The following MAP6D1 variants were observed in gnomAD, a reference collection of about 807,000 sequenced individuals.
The protein encoded by MAP6D1 is MAP6 domain containing 1.
MAP6D1 carries 13 observed loss-of-function variants against 17.4 expected under a neutral mutation model. The ratio of observed to expected loss-of-function variants is 0.75; its 90% CI spans 0.49 to 1.19. The LOEUF is 1.19. Ranked by LOEUF, MAP6D1 falls within the 50% of genes most tolerant of loss-of-function variation. The pLI is 0.00. For synonymous variants in MAP6D1, 141 were observed against 145.7 expected, an observed-to-expected ratio of 0.97 and a Z score of 0.23; for missense variants, 313 against 312.6, an observed-to-expected ratio of 1.00 and a Z score of -0.01.
chr3:183,818,110 G>A lies in MAP6D1; in HGVS notation c.403C>T (p.Gln135Ter), dbSNP rs1727162320. 2 of 1,613,258 alleles carry A rather than the reference G, an allele frequency of 1.2e-6. No individual in the cohort carries two copies. The highest frequency in any genetic ancestry group is 2.2e-5 in the East Asian group (1 of 44,868). ...AAAAVTTSYR[Q>*]EFQAWTGVKP... is the part of the protein sequence containing the mutation. ...ACTCCAGTCCAAGCCTGGAATTCCT[G>A]TCTGGAACAGAGAACACGGTCACAA... The change falls in exon 2 of 3, where the codon CAG (glutamine) becomes TAG (stop). Residue 135 changes from glutamine to a stop codon, truncating the protein, a stop_gained and splice_region_variant. Transcript: ENST00000318631. LOFTEE classifies it high-confidence loss of function.
intron 1 of MAP6D1, among the ~76,000 whole-genome samples, chr3:183,821,451 A>AGGC (rs1727253556): frequency 6.6e-6 from 1 of 151,646 alleles, no homozygotes; most frequent in Admixed American, 6.6e-5. Context: ...AAAGCAGAGA[A>AGGC]GGCGACAGCT....
chr3:183,819,552 G>A (rs890451271), intron 1 of MAP6D1, among the ~76,000 whole-genome samples: 2 of 152,238 alleles, frequency 1.3e-5, no homozygotes, highest in African/African-American at 4.8e-5. Context: ...AGATGGGAGA[G>A]GGGACCTTAA....
rs1010814195 is a variant in MAP6D1 at position 183,817,043 on chromosome 3, A to G, written c.*313T>C. The G allele has an allele frequency of 1.6e-5, 6 of 385,836 alleles. No homozygotes were observed. Among genetic ancestry groups the G allele is most frequent in the African/African-American group, 2.1e-5 (1 of 47,818 alleles). The allele number at this position is 385,836 out of a possible 1,614,324, so 23.9% of individuals were successfully genotyped here. A position where few individuals can be genotyped will look rare whatever the true frequency, so the allele number is the denominator to read the frequency against. ...CACATTCCTCAGCTTCCATGGACCA[A>G]TTCGGTTCCCAACTGACTTGATCCT... On this transcript the variant is annotated 3_prime_UTR_variant, in exon 3 of 3. Transcript: ENST00000318631.
Position 183,825,564 on chromosome 3 carries a change from G to T in MAP6D1, c.-17C>A. 3.3e-6 allele frequency: 4 copies of T among 1,197,522 alleles called. No individual in the cohort carries two copies. The highest frequency in any genetic ancestry group is 4.1e-6 in the Non-Finnish European group (4 of 967,776). The allele number at this position is 1,197,522 out of a possible 1,614,324, so 74.2% of individuals were successfully genotyped here. On this transcript the variant is annotated 5_prime_UTR_variant, in exon 1 of 3. Coordinates refer to ENST00000318631, the MANE Select transcript of MAP6D1 (RefSeq NM_024871.4). ...CCACGCCATGCCAGCCCCGGCGCCC[G>T]CCGCCCCGCTCCCGGCGCGCGGCGC... is the stretch of plus-strand genomic sequence containing the variant.
chr3:183,822,475 A>C (rs1178700993), intron 1 of MAP6D1, among the ~76,000 whole-genome samples: 1 of 152,024 alleles, frequency 6.6e-6, no homozygotes, highest in Non-Finnish European at 1.5e-5. Flanking sequence ...CAAAAACCCA[A>C]CTGTATCAAG....
chr3:183,818,788 T>C (rs1727179523), intron 1 of MAP6D1, among the ~76,000 whole-genome samples: 1 of 152,178 alleles, frequency 6.6e-6, no homozygotes, highest in Non-Finnish European at 1.5e-5. Context: ...CACAGCTCTG[T>C]GCATGGTGGA....
chr3:183,817,325 G>T lies in MAP6D1; in HGVS notation c.*31C>A. On this transcript the variant is annotated 3_prime_UTR_variant, in exon 3 of 3. Transcript: ENST00000318631. Reference sequence around the variant, plus strand: ...TGAGGCCGCTCCCCAGCCCTGTCCTGTCGGCAGCCATGGTGTCACGGTGCA... The same window carrying T: ...TGAGGCCGCTCCCCAGCCCTGTCCTTTCGGCAGCCATGGTGTCACGGTGCA... The T allele has an allele frequency of 3.9e-6, 6 of 1,550,824 alleles. 1 individual carries two copies. Among genetic ancestry groups the T allele is most frequent in the South Asian group, 2.4e-5 (2 of 84,114 alleles).
Sources: allele counts gnomAD v4.1 joint callset (sites outside exome capture counted in the v4.1 genomes callset), GRCh38; gene constraint gnomAD v4.1.1; transcripts MANE v1.5; gene names NCBI Gene and HGNC (gene_info 2026-07-23, HGNC 2026-07-21).